The following COL24A1 variants were observed in gnomAD, a reference collection of about 807,000 sequenced individuals.
The protein encoded by COL24A1 is collagen alpha-1(XXIV) chain.
A neutral mutation model predicts 253.9 loss-of-function variants in COL24A1; 224 were observed. That is an observed-to-expected ratio of 0.88 (90% CI 0.79 to 0.99). The LOEUF (loss-of-function observed/expected upper bound fraction) is 0.99, where lower values mean the gene tolerates loss of function less well. COL24A1 is among the 50% of genes least tolerant of loss of function. The pLI is 0.00. For synonymous variants in COL24A1, 685 were observed against 673.7 expected (o/e 1.02, Z -0.26); for missense variants, 2,131 against 2,068.5 (o/e 1.03, Z -0.59).
chr1:85,825,050 T>A (rs1468529748), intron 43 of COL24A1, among the ~76,000 whole-genome samples: 1 of 151,320 alleles, frequency 6.6e-6, no homozygotes, highest in Non-Finnish European at 1.5e-5. Flanking sequence ...ATTAGGTATA[T>A]CCCCCAATGC....
intron 32 of COL24A1, among the ~76,000 whole-genome samples, chr1:85,886,682 T>A (rs1203996635): frequency 3.3e-5 from 5 of 151,640 alleles, no homozygotes; most frequent in Admixed American, 3.3e-4. Flanking sequence ...AAAAAAAAAA[T>A]GGTTGCTAAA....
intron 58 of COL24A1, among the ~76,000 whole-genome samples, chr1:85,737,016 A>G (rs1234388627): frequency 6.6e-6 from 1 of 152,180 alleles, no homozygotes; most frequent in African/African-American, 2.4e-5. Context: ...TTCTTTTTTA[A>G]TGATTATAAT....
At chr1:86,156,148 C>G (rs550228305) in intron 1 of COL24A1, 193 bp downstream of exon 1, 8 of 548,494 alleles carry the variant, frequency 1.5e-5, no homozygotes, top group Non-Finnish European at 2.3e-5. Flanking sequence ...TCTGCTGGCA[C>G]GAGGCATCCT....
chr1:86,112,832 C>T (rs2039603), intron 4 of COL24A1, among the ~76,000 whole-genome samples: 26,417 of 152,104 alleles, frequency 0.17, 2,409 homozygotes, highest in South Asian at 0.25. Context: ...TAAATCCTAG[C>T]CACAAGAACA....
Position 85,896,398 on chromosome 1 carries a change from T to C in COL24A1, c.2790A>G (p.Gly930=), listed in dbSNP as rs775898568. The C allele has an allele frequency of 1.5e-5, 24 of 1,613,116 alleles. No homozygotes were observed. Among genetic ancestry groups the C allele is most frequent in the Non-Finnish European group, 2.0e-5 (23 of 1,179,142 alleles). Residue 930 remains glycine, a synonymous_variant, in exon 29 of 60, where the codon GGA becomes GGG. Coordinates refer to ENST00000370571, the MANE Select transcript of COL24A1 (RefSeq NM_152890.7). ...CTTGTTCCCCTAAGAGACCATCTGGTCCTCTTGATCCCTAGAGGTGAAAAA... is the reference window on the plus strand; with the variant it reads ...CTTGTTCCCCTAAGAGACCATCTGGCCCTCTTGATCCCTAGAGGTGAAAAA... ...QGPKGQRGSR[G]PDGLLGEQGI... is the part of the protein sequence containing the mutation.
chr1:86,058,931 C>A (rs1035658168), intron 9 of COL24A1, among the ~76,000 whole-genome samples, 190 bp downstream of exon 9: 1 of 152,052 alleles, frequency 6.6e-6, no homozygotes, highest in Admixed American at 6.6e-5. Flanking sequence ...AATCCCCCTT[C>A]CAATTTTAAA....
intron 47 of COL24A1, among the ~76,000 whole-genome samples, chr1:85,792,992 C>G (rs1670448978): frequency 6.6e-6 from 1 of 151,810 alleles, no homozygotes; most frequent in Non-Finnish European, 1.5e-5. Flanking sequence ...CAGACTAAAG[C>G]CATTTCTGTG....
At chr1:86,061,634 A>C (rs1373096900) in intron 8 of COL24A1, among the ~76,000 whole-genome samples, 1 of 152,080 alleles carries the variant, frequency 6.6e-6, no homozygotes, top group Non-Finnish European at 1.5e-5. Flanking sequence ...CAGTAAACAA[A>C]ATAAACAAGT....
intron 24 of COL24A1, among the ~76,000 whole-genome samples, chr1:85,921,855 AT>A (rs1686541079): frequency 6.6e-6 from 1 of 152,206 alleles, no homozygotes; most frequent in Non-Finnish European, 1.5e-5. Context: ...AAGGTCAGTA[AT>A]AACAAACTTC....
chr1:85,882,442 C>T (rs937739315), intron 32 of COL24A1, among the ~76,000 whole-genome samples: 1 of 151,876 alleles, frequency 6.6e-6, no homozygotes, highest in South Asian at 2.1e-4. Flanking sequence ...CCAGCCTGGG[C>T]GACAGAGCAA....
chr1:85,768,059 TG>T (rs1401496326), intron 53 of COL24A1, among the ~76,000 whole-genome samples: 1 of 152,180 alleles, frequency 6.6e-6, no homozygotes, highest in Admixed American at 6.5e-5. Context: ...TGAGACAGAA[TG>T]GTCTGAGAAG....
chr1:85,770,159 T>C (rs1490077414), intron 53 of COL24A1, among the ~76,000 whole-genome samples: 1 of 152,200 alleles, frequency 6.6e-6, no homozygotes, highest in Non-Finnish European at 1.5e-5. Flanking sequence ...TGAGAAAAGG[T>C]GAGGATCACA....
chr1:85,981,841 T>C (rs1190438340), intron 20 of COL24A1, among the ~76,000 whole-genome samples: 1 of 152,124 alleles, frequency 6.6e-6, no homozygotes, highest in Admixed American at 6.6e-5. Flanking sequence ...GAAAGGACTT[T>C]GGAGTATTCA....
intron 37 of COL24A1, among the ~76,000 whole-genome samples, chr1:85,855,375 T>C (rs1678304100): frequency 6.6e-6 from 1 of 152,202 alleles, no homozygotes; most frequent in African/African-American, 2.4e-5. Context: ...GTTATTATTT[T>C]GAGGTATGTA....
chr1:85,944,995 T>C (rs1283467006), intron 24 of COL24A1, among the ~76,000 whole-genome samples: 1 of 133,474 alleles, frequency 7.5e-6, no homozygotes, highest in Non-Finnish European at 1.6e-5. Context: ...ATCCAGTCTA[T>C]CATTGTGTTT....
chr1:86,140,622 C>T (rs1281086398), intron 2 of COL24A1, among the ~76,000 whole-genome samples: 2 of 152,196 alleles, frequency 1.3e-5, no homozygotes, highest in Non-Finnish European at 2.9e-5. Flanking sequence ...GTGGTTTTCA[C>T]ACCTAGGGAT....
intron 10 of COL24A1, among the ~76,000 whole-genome samples, chr1:86,054,585 A>G (rs1456693534): frequency 2.0e-5 from 3 of 152,120 alleles, no homozygotes; most frequent in Non-Finnish European, 4.4e-5. Flanking sequence ...TCAAAACCAC[A>G]AGGGGATACC....
At chr1:86,115,260 A>G in intron 4 of COL24A1, 65 bp downstream of exon 4, 1 of 1,526,528 alleles carries the variant, frequency 6.6e-7, no homozygotes, top group Non-Finnish European at 9.1e-7. Flanking sequence ...GTACAATACT[A>G]GAAAAAACAT....
chr1:86,022,784 AAGAC>A (rs1697667423), intron 16 of COL24A1, 45 bp downstream of exon 16: 1 of 1,344,690 alleles, frequency 7.4e-7, no homozygotes, highest in Non-Finnish European at 9.8e-7. Context: ...TGAAAAGTAA[AAGAC>A]AAATGTGATA....
Sources: gnomAD v4.1 joint callset for allele counts (sites outside exome capture counted in the v4.1 genomes callset) on GRCh38, gnomAD v4.1.1 for gene constraint, MANE v1.5 for transcripts, NCBI Gene and HGNC (gene_info 2026-07-23, HGNC 2026-07-21) for gene names.